Variants in NFASC observed in about 807,000 individuals in gnomAD.
NFASC encodes neurofascin, also known as neurofascin homolog.
NFASC carries 43 observed loss-of-function variants against 147.5 expected under a neutral mutation model. The observed-to-expected ratio is 0.29, with a 90% CI of 0.23 to 0.38. NFASC has a LOEUF of 0.38. NFASC is among the 10% of genes least tolerant of loss of function. The probability of loss-of-function intolerance (pLI) is 1.00; values close to 1 mark genes in which losing one functional copy is unlikely to be tolerated. For missense variants in NFASC, 1,320 were observed against 1,689.0 expected (o/e 0.78, Z 3.83); for synonymous variants, 622 against 665.5 (o/e 0.93, Z 1.01).
intron 2 of NFASC, among the ~76,000 whole-genome samples, chr1:204,923,692 C>T (rs2090969727): frequency 6.6e-6 from 1 of 152,138 alleles, no homozygotes; most frequent in Non-Finnish European, 1.5e-5. Flanking sequence ...TCCCCACCTG[C>T]TGCCCCCAAA....
At chr1:204,906,456 C>A (rs1426269137) in intron 1 of NFASC, among the ~76,000 whole-genome samples, 1 of 152,136 alleles carries the variant, frequency 6.6e-6, no homozygotes, top group Non-Finnish European at 1.5e-5. Context: ...TAAATGAGAT[C>A]CTACAGTATT....
At chr1:204,936,294 C>T (rs1440195241) in intron 2 of NFASC, among the ~76,000 whole-genome samples, 1 of 148,470 alleles carries the variant, frequency 6.7e-6, no homozygotes, top group Non-Finnish European at 1.5e-5. Context: ...CTCCACCTCC[C>T]AGGTTCAAGT....
At chr1:204,944,204 G>C (rs963127259) in intron 2 of NFASC, 22 bp from the exon 3 acceptor site, 1 of 1,543,146 alleles carries the variant, frequency 6.5e-7, no homozygotes, top group African/African-American at 1.4e-5. Flanking sequence ...AAACTCACTT[G>C]CTCTTATGTT....
At chr1:204,959,301 C>T (rs971852623) in intron 8 of NFASC, among the ~76,000 whole-genome samples, 2 of 152,182 alleles carry the variant, frequency 1.3e-5, no homozygotes, top group African/African-American at 4.8e-5. Context: ...GCAGCAAGCC[C>T]CTCGAGTTCC....
chr1:204,936,797 C>G (rs1021151284), intron 2 of NFASC, among the ~76,000 whole-genome samples: 1 of 152,206 alleles, frequency 6.6e-6, no homozygotes, highest in Admixed American at 6.5e-5. Context: ...CAGCCGCTTC[C>G]TATCATGCTT....
At chr1:204,862,376 T>A (rs542334100) in intron 1 of NFASC, among the ~76,000 whole-genome samples, 22 of 152,366 alleles carry the variant, frequency 1.4e-4, no homozygotes, top group African/African-American at 5.3e-4. Context: ...TTGGAATATG[T>A]ATATAGCTTC....
chr1:204,962,744 G>A (rs16854818), intron 8 of NFASC, among the ~76,000 whole-genome samples: 2,223 of 152,248 alleles, frequency 0.015, 55 homozygotes, highest in African/African-American at 0.051. Context: ...TATAAATGAG[G>A]TGAAACCATC....
Position 204,915,204 on chromosome 1 carries a change from C to T in NFASC, c.-199-5428C>T, listed in dbSNP as rs111437707. On this transcript the variant is annotated intron_variant, in intron 1 of 29. Coordinates refer to ENST00000339876, the MANE Select transcript of NFASC (RefSeq NM_001005388.3). ...CTGAGGCAGGAGAATGGGTGTGAAC[C>T]CAGGAGGCAGAGCTTGCAGTGAGCC... Among the ~76,000 whole-genome samples the T allele has an allele frequency of 1.5e-4, 23 of 152,148 alleles. No individual in the cohort carries two copies. In the East Asian group the frequency reaches 4.4e-3, roughly 29 times the overall value.
Position 204,987,244 on chromosome 1 carries a change from T to G in NFASC, c.2471-174T>G, listed in dbSNP as rs186935431. The G allele has an allele frequency of 4.9e-6, 3 of 612,260 alleles. No homozygotes were observed. The highest frequency in any genetic ancestry group is 3.7e-5 in the African/African-American group (2 of 54,072). The allele number at this position is 612,260 out of a possible 1,614,324, so 37.9% of individuals were successfully genotyped here. A position where few individuals can be genotyped will look rare whatever the true frequency, so the allele number is the denominator to read the frequency against. On this transcript the variant is annotated intron_variant, in intron 21 of 29. Transcript: ENST00000339876. The surrounding 1 kb of genome is among the most constrained non-coding windows in gnomAD (Gnocchi z 4.4). ...GACCTGAAGGAAATAGCATCCTGGA[T>G]GGGGCAATGGGCTCCGGTCGTCTCA... is the stretch of plus-strand genomic sequence containing the variant.
intron 1 of NFASC, among the ~76,000 whole-genome samples, chr1:204,895,842 A>G (rs1328023099): frequency 6.6e-6 from 1 of 152,050 alleles, no homozygotes; most frequent in Non-Finnish European, 1.5e-5. Flanking sequence ...TATGTTCCCA[A>G]CCCCCTTTAT....
intron 7 of NFASC, among the ~76,000 whole-genome samples, chr1:204,955,348 A>C (rs1449516473): frequency 6.6e-6 from 1 of 152,250 alleles, no homozygotes; most frequent in East Asian, 1.9e-4. Context: ...AATGAAGAGC[A>C]AGACAGAAGG....
intron 1 of NFASC, among the ~76,000 whole-genome samples, chr1:204,887,312 T>C (rs2081482231): frequency 6.6e-6 from 1 of 152,216 alleles, no homozygotes; most frequent in African/African-American, 2.4e-5. Flanking sequence ...TTCATCCAGG[T>C]TGTAGCATGA....
At chr1:204,985,593 C>G (rs1179473794) in intron 21 of NFASC, among the ~76,000 whole-genome samples, 1 of 152,202 alleles carries the variant, frequency 6.6e-6, no homozygotes, top group Admixed American at 6.5e-5. Flanking sequence ...ACCTGGTACC[C>G]ACCTTGGAAA....
Position 205,016,449 on chromosome 1 carries a change from G to A in NFASC, c.3633G>A (p.Gln1211=), listed in dbSNP as rs987935853. The A allele has an allele frequency of 1.9e-6, 3 of 1,614,024 alleles. No individual in the cohort carries two copies. Among genetic ancestry groups the A allele is most frequent in the Admixed American group, 1.7e-5 (1 of 60,006 alleles). The change falls in exon 30 of 30, where the codon CAG becomes CAA. Residue 1211 remains glutamine (Q), a synonymous_variant. Transcript: ENST00000339876. The surrounding 1 kb of genome is among the most constrained non-coding windows in gnomAD (Gnocchi z 5.1). ...QFNEDGSFIG[Q]YTVKKDKEET... is the part of the protein sequence containing the mutation. ...ATGAAGACGGCTCCTTCATCGGCCAGTACACGGTCAAAAAGGACAAGGAGG... is the reference window on the plus strand; with the variant it reads ...ATGAAGACGGCTCCTTCATCGGCCAATACACGGTCAAAAAGGACAAGGAGG...
At chr1:204,866,543 G>A (rs1572193045) in intron 1 of NFASC, among the ~76,000 whole-genome samples, 1 of 152,296 alleles carries the variant, frequency 6.6e-6, no homozygotes, top group South Asian at 2.1e-4. Context: ...CAGCCCTACA[G>A]CACCCTGGGG....
intron 25 of NFASC, chr1:205,000,038 C>T (rs1457308211): frequency 2.0e-5 from 3 of 152,054 alleles, no homozygotes; most frequent in African/African-American, 7.3e-5. Context: ...TTCTCCTCTA[C>T]ACAGGCTATG....
At chr1:204,953,151 A>C (rs1049308190) in intron 5 of NFASC, among the ~76,000 whole-genome samples, 104 of 152,104 alleles carry the variant, frequency 6.8e-4, no homozygotes, top group African/African-American at 2.1e-3. Flanking sequence ...TTCTTTTACA[A>C]GTTAGATTGT....
At chr1:204,842,211 G>C (rs1480648267) in intron 1 of NFASC, among the ~76,000 whole-genome samples, 1 of 152,220 alleles carries the variant, frequency 6.6e-6, no homozygotes, top group African/African-American at 2.4e-5. Context: ...CCTGAGGTCT[G>C]ACTAAGCATA....
At chr1:204,962,799 A>G (rs533092410) in intron 8 of NFASC, among the ~76,000 whole-genome samples, 2 of 152,290 alleles carry the variant, frequency 1.3e-5, no homozygotes, top group South Asian at 4.1e-4. Context: ...TTGGTAGTAT[A>G]TGCAAATCAA....
Sources: gnomAD v4.1 joint callset for allele counts (sites outside exome capture counted in the v4.1 genomes callset) on GRCh38, gnomAD v4.1.1 for gene constraint, Gnocchi (gnomAD v3.1) non-coding constraint, MANE v1.5 for transcripts, NCBI Gene and HGNC (gene_info 2026-07-23, HGNC 2026-07-21) for gene names.